Variants in KLF12 observed in about 807,000 individuals in gnomAD.
KLF12 encodes the protein KLF transcription factor 12, also known as Krueppel-like factor 12.
A neutral mutation model predicts 37.8 loss-of-function variants in KLF12; 9 were observed. The observed-to-expected ratio is 0.24, with a 90% CI of 0.14 to 0.42. The LOEUF (loss-of-function observed/expected upper bound fraction) is 0.42. Ranked by LOEUF, KLF12 falls within the 10% of genes least tolerant of loss-of-function variation. KLF12 has a pLI of 1.00. For synonymous variants in KLF12, 208 were observed against 202.1 expected (o/e 1.03, Z -0.25); for missense variants, 411 against 516.0 (o/e 0.80, Z 1.97).
chr13:73,866,239 A>G (rs1886170681), intron 3 of KLF12, among the ~76,000 whole-genome samples: 1 of 152,206 alleles, frequency 6.6e-6, no homozygotes, highest in South Asian at 2.1e-4. Flanking sequence ...TGGGCGACAG[A>G]GCAAGACTGC....
intron 6 of KLF12, among the ~76,000 whole-genome samples, chr13:73,757,607 C>T (rs537554061): frequency 6.6e-6 from 1 of 152,220 alleles, no homozygotes; most frequent in Admixed American, 6.5e-5. Context: ...GCAAATGTGA[C>T]CAGCAGATGA....
At chr13:74,239,312 G>T in the KLF12 span, among the ~76,000 whole-genome samples, 1 of 150,664 alleles carries the variant, frequency 6.6e-6, no homozygotes, top group Non-Finnish European at 1.5e-5. Context: ...GAGATAGTTT[G>T]TTATAATTTC....
chr13:74,121,622 A>G (rs546092957), intron 1 of KLF12, among the ~76,000 whole-genome samples: 7 of 152,204 alleles, frequency 4.6e-5, no homozygotes, highest in Admixed American at 2.6e-4. Context: ...AATATAATGC[A>G]TTGCAAATAA....
the KLF12 span, among the ~76,000 whole-genome samples, chr13:74,276,342 G>A: frequency 6.6e-6 from 1 of 152,012 alleles, no homozygotes; most frequent in East Asian, 1.9e-4. Context: ...TCAACTCCTG[G>A]CCTCAAGCAA....
At chr13:73,888,682 A>G (rs1160824321) in intron 3 of KLF12, among the ~76,000 whole-genome samples, 2 of 152,232 alleles carry the variant, frequency 1.3e-5, no homozygotes, top group East Asian at 3.8e-4. Flanking sequence ...AAAAGAAACA[A>G]CAATTTTACA....
At chr13:74,244,119 G>A in the KLF12 span, among the ~76,000 whole-genome samples, 2 of 152,128 alleles carry the variant, frequency 1.3e-5, no homozygotes, top group Non-Finnish European at 2.9e-5. Flanking sequence ...AGTGAAAAGT[G>A]TCACTTATAT....
At chr13:74,049,661 G>A (rs73529187) in intron 1 of KLF12, among the ~76,000 whole-genome samples, 60 of 152,282 alleles carry the variant, frequency 3.9e-4, no homozygotes, top group African/African-American at 1.4e-3. Context: ...GAACAAGACT[G>A]AAAACAGGAG....
At chr13:74,002,907 C>T (rs908476545) in intron 1 of KLF12, among the ~76,000 whole-genome samples, 3 of 152,158 alleles carry the variant, frequency 2.0e-5, no homozygotes, top group Non-Finnish European at 2.9e-5. Flanking sequence ...CACACAGAAG[C>T]TCACAGTCAA....
intron 1 of KLF12, among the ~76,000 whole-genome samples, chr13:74,058,887 G>A (rs1475265752): frequency 3.3e-5 from 5 of 152,070 alleles, no homozygotes; most frequent in African/African-American, 1.2e-4. Flanking sequence ...GGCTTCTAAT[G>A]AGCCCATCAC....
chr13:74,010,768 A>C (rs1040979680), intron 1 of KLF12, among the ~76,000 whole-genome samples: 1 of 152,238 alleles, frequency 6.6e-6, no homozygotes, highest in African/African-American at 2.4e-5. Context: ...AATTATGCTA[A>C]TTTAAGAAAG....
At position 73,689,019 on chromosome 13, in the gene KLF12, C is replaced by T. The variant is rs571765684; in HGVS notation, c.*6471G>A. 5 of 152,172 alleles carry T rather than the reference C, an allele frequency of 3.3e-5. No individual in the cohort carries two copies. Among genetic ancestry groups the T allele is most frequent in the East Asian group, 1.9e-4 (1 of 5,170 alleles). 9.4% of individuals were successfully genotyped at this position (152,172 alleles called of 1,614,324 possible). A position where few individuals can be genotyped will look rare whatever the true frequency, so the allele number is the denominator to read the frequency against. On this transcript the variant is annotated 3_prime_UTR_variant, in exon 8 of 8. Coordinates refer to ENST00000377669, the MANE Select transcript of KLF12 (RefSeq NM_007249.5). The stretch of plus-strand genomic sequence containing the variant: ...GAAATGTTGTACAGGTTGCAGGTAA[C>T]GTATCTAAAAATTGCCTAGTCTATT...
the KLF12 span, among the ~76,000 whole-genome samples, chr13:74,299,727 G>A: frequency 2.0e-5 from 3 of 152,132 alleles, no homozygotes; most frequent in Non-Finnish European, 4.4e-5. Flanking sequence ...ATTTAAAGCA[G>A]AGGAAGCAGA....
chr13:74,152,632 C>A, the KLF12 span, among the ~76,000 whole-genome samples: 2 of 152,056 alleles, frequency 1.3e-5, no homozygotes, highest in African/African-American at 4.8e-5. Context: ...CCTGTAATTG[C>A]AGCATTTTAG....
At chr13:73,786,632 C>T (rs1881362100) in intron 5 of KLF12, among the ~76,000 whole-genome samples, 1 of 151,766 alleles carries the variant, frequency 6.6e-6, no homozygotes, top group African/African-American at 2.4e-5. Flanking sequence ...CCTGTAATTC[C>T]AACACTTTGG....
chr13:74,296,127 A>G, the KLF12 span, among the ~76,000 whole-genome samples: 1 of 149,356 alleles, frequency 6.7e-6, no homozygotes, highest in Non-Finnish European at 1.5e-5. Flanking sequence ...CCTAATCCCC[A>G]TTTTTGTAGC....
intron 1 of KLF12, among the ~76,000 whole-genome samples, chr13:74,092,296 C>CAAAAAAAAAAAA (rs35528942): frequency 2.2e-5 from 3 of 136,788 alleles, no homozygotes; most frequent in African/African-American, 5.7e-5. Context: ...GACTCCGTCT[C>CAAAAAAAAAAAA]AAAAAAAAAA....
chr13:73,827,383 C>T (rs779395346), intron 4 of KLF12, among the ~76,000 whole-genome samples: 8 of 152,114 alleles, frequency 5.3e-5, no homozygotes, highest in East Asian at 1.9e-4. Flanking sequence ...TGAATACCCA[C>T]GTTTCCCCAT....
intron 1 of KLF12, among the ~76,000 whole-genome samples, chr13:74,071,619 G>C (rs955491121): frequency 1.6e-4 from 24 of 152,208 alleles, no homozygotes; most frequent in Non-Finnish European, 2.5e-4. Flanking sequence ...CGTGAACTCG[G>C]GAGGCGGAGC....
intron 5 of KLF12, among the ~76,000 whole-genome samples, chr13:73,778,467 C>T (rs1880763141): frequency 6.6e-6 from 1 of 152,156 alleles, no homozygotes. Flanking sequence ...TCAAGCGATC[C>T]CTCTGCCTCA....
Sources: gnomAD v4.1 joint callset for allele counts (sites outside exome capture counted in the v4.1 genomes callset) on GRCh38, gnomAD v4.1.1 for gene constraint, MANE v1.5 for transcripts, NCBI Gene and HGNC (gene_info 2026-07-23, HGNC 2026-07-21) for gene names.